The following SCRN1 variants were observed in gnomAD, a reference collection of about 807,000 sequenced individuals.
SCRN1 encodes secernin-1.
Under a neutral mutation model 43.3 loss-of-function variants are expected in SCRN1, and 19 were observed. The ratio of observed to expected loss-of-function variants is 0.44; its 90% CI spans 0.31 to 0.64. SCRN1 has a LOEUF of 0.64. Among genes scored for constraint, SCRN1 ranks in the 30% least tolerant of loss-of-function variants. The pLI is 0.09. For synonymous variants in SCRN1, 183 were observed against 188.9 expected, an observed-to-expected ratio of 0.97 and a Z score of 0.26; for missense variants, 447 against 524.1, an observed-to-expected ratio of 0.85 and a Z score of 1.44.
intron 1 of SCRN1, among the ~76,000 whole-genome samples, chr7:29,982,846 AT>A (rs562265162): frequency 3.0e-4 from 44 of 145,892 alleles, no homozygotes; most frequent in South Asian, 4.4e-4. Flanking sequence ...GTGTCTCTTC[AT>A]TTTTTTTTTT....
Position 29,926,637 on chromosome 7 carries a change from A to G in SCRN1, c.906-5T>C. On this transcript the variant is annotated splice_polypyrimidine_tract_variant and splice_region_variant and intron_variant, in intron 6 of 7. Transcript: ENST00000242059. ...ATGAAAGGCTTGAATATGGACCTGG[A>G]GAGGAAGGAGAGGCACTTCAGCCAG... 1 of 1,609,072 alleles carries G rather than the reference A, an allele frequency of 6.2e-7. No individual in the cohort carries two copies. Among genetic ancestry groups the G allele is most frequent in the Non-Finnish European group, 8.5e-7 (1 of 1,176,386 alleles).
chr7:29,930,278 G>A (rs1262773828), intron 6 of SCRN1, among the ~76,000 whole-genome samples: 2 of 152,082 alleles, frequency 1.3e-5, no homozygotes, highest in Non-Finnish European at 2.9e-5. Context: ...ACCAGGATGT[G>A]GAAATTATCT....
At chr7:29,926,894 C>A (rs959493718) in intron 6 of SCRN1, among the ~76,000 whole-genome samples, 1 of 152,040 alleles carries the variant, frequency 6.6e-6, no homozygotes, top group Non-Finnish European at 1.5e-5. Context: ...TTGTTCTGAA[C>A]CATTTGAGAG....
chr7:29,953,801 C>T (rs1162333524), intron 3 of SCRN1, among the ~76,000 whole-genome samples: 1 of 152,074 alleles, frequency 6.6e-6, no homozygotes. Context: ...CTAAATGTGC[C>T]ATTTCCCCCT....
intron 6 of SCRN1, among the ~76,000 whole-genome samples, chr7:29,927,170 G>A (rs1455433454): frequency 2.0e-5 from 3 of 152,146 alleles, no homozygotes; most frequent in African/African-American, 7.2e-5. Context: ...AGGCCTTGGA[G>A]GGTGCACACC....
At chr7:29,963,142 T>G (rs989576930) in intron 2 of SCRN1, among the ~76,000 whole-genome samples, 1 of 152,082 alleles carries the variant, frequency 6.6e-6, no homozygotes, top group African/African-American at 2.4e-5. Context: ...AAGCCTGTAA[T>G]GCAGGCAGAG....
chr7:29,970,353 C>A (rs1788631631), intron 1 of SCRN1, among the ~76,000 whole-genome samples: 1 of 152,150 alleles, frequency 6.6e-6, no homozygotes, highest in Non-Finnish European at 1.5e-5. Flanking sequence ...CATCCTTTGT[C>A]CTCACCACTC....
rs185688461 is a variant in SCRN1 at position 29,976,455 on chromosome 7, G to A, written c.-1-7387C>T. Among the ~76,000 whole-genome samples the A allele has an allele frequency of 2.6e-3, 398 of 152,262 alleles. 2 individuals are homozygous for A. Among genetic ancestry groups the A allele is most frequent in the African/African-American group, 9.0e-3 (374 of 41,552 alleles). Reference sequence around the variant, plus strand: ...AGGGAATAAGTTGTTTACAATCTGCGTACAGATTTCAGTTTTGCAAGATGA... The same window carrying A: ...AGGGAATAAGTTGTTTACAATCTGCATACAGATTTCAGTTTTGCAAGATGA... On this transcript the variant is annotated intron_variant, in intron 1 of 7. Coordinates refer to ENST00000242059, the MANE Select transcript of SCRN1 (RefSeq NM_014766.5).
chr7:29,963,524 C>A (rs1238521573), intron 2 of SCRN1, among the ~76,000 whole-genome samples: 2 of 152,156 alleles, frequency 1.3e-5, no homozygotes, highest in African/African-American at 4.8e-5. Context: ...GCCTAGGGTA[C>A]AAGCTGAGAG....
chr7:29,983,606 T>TA (rs983730080), intron 1 of SCRN1, among the ~76,000 whole-genome samples: 18 of 152,270 alleles, frequency 1.2e-4, no homozygotes, highest in African/African-American at 3.8e-4. Context: ...AACATATAAA[T>TA]AGGGCTTTTG....
chr7:29,946,725 C>T (rs1460590506), intron 3 of SCRN1, among the ~76,000 whole-genome samples: 1 of 152,210 alleles, frequency 6.6e-6, no homozygotes, highest in Non-Finnish European at 1.5e-5. Flanking sequence ...TGTGCCAGGA[C>T]CATGGGTCAG....
intron 2 of SCRN1, among the ~76,000 whole-genome samples, chr7:29,960,779 G>A (rs962496607): frequency 6.6e-6 from 1 of 151,836 alleles, no homozygotes; most frequent in African/African-American, 2.4e-5. Context: ...TCCTCAACAC[G>A]CCTACCTAGA....
intron 1 of SCRN1, among the ~76,000 whole-genome samples, chr7:29,988,038 A>C (rs1789216093): frequency 1.3e-5 from 2 of 152,070 alleles, no homozygotes; most frequent in Non-Finnish European, 2.9e-5. Flanking sequence ...AGGGAAAGAA[A>C]GGCTGTTTAA....
At chr7:29,939,761 AC>A (rs1787467613) in intron 5 of SCRN1, among the ~76,000 whole-genome samples, 1 of 152,134 alleles carries the variant, frequency 6.6e-6, no homozygotes, top group African/African-American at 2.4e-5. Flanking sequence ...ATATAGAATG[AC>A]TGTTGTGGGT....
chr7:29,927,366 C>CCACACA (rs66661399), intron 6 of SCRN1, among the ~76,000 whole-genome samples: 7 of 126,520 alleles, frequency 5.5e-5, no homozygotes, highest in East Asian at 5.4e-4. Context: ...ACCCACCCAC[C>CCACACA]CACACACACA....
chr7:29,977,899 A>G (rs901610621), intron 1 of SCRN1, among the ~76,000 whole-genome samples: 9 of 152,240 alleles, frequency 5.9e-5, no homozygotes, highest in Admixed American at 5.9e-4. Flanking sequence ...GGACACAGCA[A>G]GGACTCAATT....
chr7:29,959,392 T>A (rs1342045648), intron 2 of SCRN1, among the ~76,000 whole-genome samples: 1 of 152,176 alleles, frequency 6.6e-6, no homozygotes, highest in Non-Finnish European at 1.5e-5. Flanking sequence ...TGAGGGTTTT[T>A]TATTTATTTA....
chr7:29,940,434 C>A (rs1192954920), intron 5 of SCRN1, among the ~76,000 whole-genome samples: 1 of 152,110 alleles, frequency 6.6e-6, no homozygotes, highest in Middle Eastern at 3.2e-3. Flanking sequence ...ACAATGACAT[C>A]AGAGATTAAA....
intron 1 of SCRN1, among the ~76,000 whole-genome samples, chr7:29,981,681 C>T (rs1033117775): frequency 1.3e-5 from 2 of 152,226 alleles, no homozygotes; most frequent in Non-Finnish European, 2.9e-5. Context: ...CAGCCCCATA[C>T]AAGATTGGGT....
Sources: allele counts gnomAD v4.1 joint callset (sites outside exome capture counted in the v4.1 genomes callset), GRCh38; gene constraint gnomAD v4.1.1; transcripts MANE v1.5; gene names NCBI Gene and HGNC (gene_info 2026-07-23, HGNC 2026-07-21).